PLCB4: variants seen among roughly 807,000 people sequenced by gnomAD.
PLCB4 encodes phospholipase C beta 4.
Under a neutral mutation model 178.8 loss-of-function variants are expected in PLCB4, and 77 were observed. The ratio of observed to expected loss-of-function variants is 0.43; its 90% CI spans 0.36 to 0.52. PLCB4 has a LOEUF of 0.52. Among genes scored for constraint, PLCB4 ranks in the 20% least tolerant of loss-of-function variants. PLCB4 has a pLI of 0.00. For missense variants in PLCB4, 1,024 were observed against 1,453.4 expected (o/e 0.70, Z 4.80); for synonymous variants, 496 against 490.8 (o/e 1.01, Z -0.14).
intron 2 of PLCB4, among the ~76,000 whole-genome samples, chr20:9,213,106 T>A (rs560565713): frequency 7.1e-6 from 1 of 139,888 alleles, no homozygotes; most frequent in Non-Finnish European, 1.5e-5. Flanking sequence ...GTCTTTGTGC[T>A]TGGCTTCTCT....
intron 4 of PLCB4, among the ~76,000 whole-genome samples, chr20:9,312,394 A>ACACACGCACG (rs796646743): frequency 1.4e-5 from 2 of 144,024 alleles, no homozygotes; most frequent in East Asian, 2.0e-4. Flanking sequence ...ACACACACAC[A>ACACACGCACG]CACGCACGCA....
At position 9,133,674 on chromosome 20, in the gene PLCB4, C is replaced by T. The variant is rs967822674; in HGVS notation, c.-79+37332C>T. Among the ~76,000 whole-genome samples, 4 of 152,170 alleles carry T rather than the reference C, an allele frequency of 2.6e-5. No individual in the cohort carries two copies. In the South Asian group the frequency reaches 6.2e-4, roughly 24 times the overall value. On this transcript the variant is annotated intron_variant, in intron 2 of 39. Coordinates refer to ENST00000378473, the MANE Select transcript of PLCB4 (RefSeq NM_001377142.1). The stretch of plus-strand genomic sequence containing the variant: ...ATTTGATGGAAAGAATGAATGTTTG[C>T]GTGAGACCACTACCGGAAAAGGGGC...
At position 9,168,106 on chromosome 20, in the gene PLCB4, A is replaced by G. The variant is rs1053910672; in HGVS notation, c.-78-49284A>G. On this transcript the variant is annotated intron_variant, in intron 2 of 39. Coordinates refer to ENST00000378473, the MANE Select transcript of PLCB4 (RefSeq NM_001377142.1). ...AAAAACCACTTTATGTGCTTTTTAC[A>G]TTAAAGAGCAATTACATATAAAGTG... 2.0e-5 allele frequency among the ~76,000 whole-genome samples: 3 copies of G among 152,236 alleles called. No homozygotes were observed. In the South Asian group the frequency reaches 6.2e-4, roughly 31 times the overall value.
At chr20:9,213,128 CTTTTTTTTTTTTTTTTTTT>C (rs56785951) in intron 2 of PLCB4, among the ~76,000 whole-genome samples, 2 of 35,728 alleles carry the variant, frequency 5.6e-5, no homozygotes, top group African/African-American at 1.2e-4. Context: ...CGTTAGCATA[CTTTTTTTTTTTTTTTTTTT>C]TTTTTTTTTT....
At chr20:9,420,295 AGATGTGCTCATAT>A (rs2040538553) in intron 26 of PLCB4, among the ~76,000 whole-genome samples, 1 of 152,134 alleles carries the variant, frequency 6.6e-6, no homozygotes, top group Non-Finnish European at 1.5e-5. Context: ...GTGGTTTCGC[AGATGTGCTCATAT>A]GTCCCAACTG....
chr20:9,292,994 G>A (rs1429260897), intron 3 of PLCB4, among the ~76,000 whole-genome samples: 2 of 152,056 alleles, frequency 1.3e-5, no homozygotes, highest in African/African-American at 2.4e-5. Flanking sequence ...CAGGAGAATC[G>A]CTTGAACCCA....
intron 28 of PLCB4, among the ~76,000 whole-genome samples, chr20:9,431,474 T>C (rs2041390937): frequency 6.6e-6 from 1 of 152,108 alleles, no homozygotes; most frequent in African/African-American, 2.4e-5. Flanking sequence ...TTTTATTTTT[T>C]ATTCTTTATG....
chr20:9,090,475 C>A (rs912545334), intron 1 of PLCB4, among the ~76,000 whole-genome samples: 9 of 150,144 alleles, frequency 6.0e-5, no homozygotes, highest in East Asian at 5.9e-4. Flanking sequence ...CGATAACTAT[C>A]CCAAAATAAG....
At chr20:9,470,679 A>G (rs1286098547) in intron 36 of PLCB4, among the ~76,000 whole-genome samples, 3 of 152,154 alleles carry the variant, frequency 2.0e-5, no homozygotes, top group African/African-American at 7.2e-5. Context: ...AACTGTACTT[A>G]TTTGTTGTAA....
intron 36 of PLCB4, 145 bp downstream of exon 36, chr20:9,468,817 A>C: frequency 1.8e-6 from 1 of 554,372 alleles, no homozygotes. Context: ...TATAACTGCA[A>C]TGGAGATTTG....
chr20:9,378,163 G>T (rs768750264), intron 12 of PLCB4, among the ~76,000 whole-genome samples: 9 of 152,088 alleles, frequency 5.9e-5, no homozygotes, highest in Non-Finnish European at 1.2e-4. Flanking sequence ...TCTCTCTCCT[G>T]TAGCTGAATC....
At chr20:9,075,376 T>C (rs913488919) in intron 1 of PLCB4, among the ~76,000 whole-genome samples, 3 of 152,198 alleles carry the variant, frequency 2.0e-5, no homozygotes, top group Non-Finnish European at 4.4e-5. Context: ...GAATAAGAAA[T>C]TGAGGATAAA....
intron 7 of PLCB4, among the ~76,000 whole-genome samples, chr20:9,343,167 G>C (rs936222174): frequency 6.6e-6 from 1 of 151,926 alleles, no homozygotes; most frequent in Admixed American, 6.6e-5. Flanking sequence ...TACAGAACTT[G>C]CTTATGAGTA....
At chr20:9,185,835 C>T (rs1235411886) in intron 2 of PLCB4, among the ~76,000 whole-genome samples, 2 of 152,196 alleles carry the variant, frequency 1.3e-5, no homozygotes, top group African/African-American at 4.8e-5. Flanking sequence ...TGCCTTCCCC[C>T]ACTCATCCAC....
chr20:9,190,536 G>T (rs1187488122), intron 2 of PLCB4, among the ~76,000 whole-genome samples: 2 of 152,156 alleles, frequency 1.3e-5, no homozygotes, highest in Admixed American at 1.3e-4. Context: ...GTCTCAGGCA[G>T]CTCTTTTTAG....
At chr20:9,136,437 C>T (rs994348276) in intron 2 of PLCB4, among the ~76,000 whole-genome samples, 1 of 152,044 alleles carries the variant, frequency 6.6e-6, no homozygotes, top group Non-Finnish European at 1.5e-5. Context: ...CCGAGTTGTC[C>T]CACAGGAAAG....
intron 36 of PLCB4, among the ~76,000 whole-genome samples, chr20:9,469,669 T>C (rs1016138274): frequency 2.0e-5 from 3 of 152,210 alleles, no homozygotes; most frequent in Non-Finnish European, 4.4e-5. Context: ...TTGTCCCTCT[T>C]TGAAGCAAGA....
intron 4 of PLCB4, among the ~76,000 whole-genome samples, chr20:9,320,878 G>A (rs547161822): frequency 3.3e-5 from 5 of 152,114 alleles, no homozygotes; most frequent in South Asian, 2.1e-4. Flanking sequence ...CAGAAACTCT[G>A]GGGGGAGGGT....
intron 7 of PLCB4, among the ~76,000 whole-genome samples, chr20:9,341,185 T>C (rs917900080): frequency 3.9e-5 from 6 of 152,124 alleles, no homozygotes. Flanking sequence ...TTGGTTGCTG[T>C]TAGTCTTGGC....
Sources: allele counts gnomAD v4.1 joint callset (sites outside exome capture counted in the v4.1 genomes callset), GRCh38; gene constraint gnomAD v4.1.1; transcripts MANE v1.5; gene names NCBI Gene and HGNC (gene_info 2026-07-23, HGNC 2026-07-21).